VPS13B: variants seen among roughly 807,000 people sequenced by gnomAD.
VPS13B encodes vacuolar protein sorting 13 homolog B.
Under a neutral mutation model 426.4 loss-of-function variants are expected in VPS13B, and 285 were observed. The ratio of observed to expected loss-of-function variants is 0.67; its 90% CI spans 0.61 to 0.74. The LOEUF is 0.74. Among genes scored for constraint, VPS13B ranks in the 30% least tolerant of loss-of-function variants. The pLI, the probability that VPS13B is intolerant of heterozygous loss-of-function variation, is 0.00. For missense variants in VPS13B, 4,537 were observed against 4,782.6 expected (o/e 0.95, Z 1.51); for synonymous variants, 1,676 against 1,676.4 (o/e 1.00, Z 0.01).
At chr8:99,134,280 T>C (rs1000785556) in intron 8 of VPS13B, among the ~76,000 whole-genome samples, 2 of 152,220 alleles carry the variant, frequency 1.3e-5, no homozygotes, top group African/African-American at 4.8e-5. Flanking sequence ...TTGAATGTTT[T>C]GTTGAATATA....
rs570012750 is a variant in VPS13B, at chr8:99,813,272, T to C, written c.8097+3742T>C. 2.0e-5 allele frequency among the ~76,000 whole-genome samples: 3 copies of C among 152,260 alleles called. No individual in the cohort carries two copies. The East Asian group carries it at 5.8e-4, about 29-fold the overall frequency. ...GGCTTTTTAGTTGAAAATGAGACTA[T>C]AAAAACCCACCAAGAGGATCTTTGT... On this transcript the variant is annotated intron_variant, in intron 44 of 61. Transcript: ENST00000357162.
rs1361644234 is a variant in VPS13B, at chr8:99,751,793, A to C, written c.7051-14981A>C. On this transcript the variant is annotated intron_variant, in intron 39 of 61. Transcript: ENST00000357162. ...AGTCTCATGGATAGAAAACATGAGA[A>C]TGCTGGATCAGAGATGAAACATAGT... 3.3e-5 allele frequency among the ~76,000 whole-genome samples: 5 copies of C among 152,312 alleles called. No homozygotes were observed. In the South Asian group the frequency reaches 1.0e-3, roughly 32 times the overall value.
intron 22 of VPS13B, 73 bp from the exon 23 acceptor site, chr8:99,442,328 T>C: frequency 7.7e-7 from 1 of 1,305,052 alleles, no homozygotes. Context: ...TTGTTTATTC[T>C]GGCGAAGATG....
chr8:99,179,684 A>G (rs957788836), intron 16 of VPS13B, among the ~76,000 whole-genome samples: 1 of 152,196 alleles, frequency 6.6e-6, no homozygotes, highest in Non-Finnish European at 1.5e-5. Flanking sequence ...TGATTATTTA[A>G]TAGCCTTTCC....
intron 17 of VPS13B, among the ~76,000 whole-genome samples, chr8:99,232,833 C>T (rs72672332): frequency 0.031 from 4,782 of 152,196 alleles, 113 homozygotes; most frequent in South Asian, 0.076. Flanking sequence ...GAGGCAGGGC[C>T]CGGAGGTTCT....
chr8:99,555,263 C>A (rs1202420345), intron 30 of VPS13B, among the ~76,000 whole-genome samples: 1 of 152,122 alleles, frequency 6.6e-6, no homozygotes, highest in African/African-American at 2.4e-5. Context: ...TATCATTTAA[C>A]CAGCCTCTGG....
intron 43 of VPS13B, among the ~76,000 whole-genome samples, chr8:99,785,312 A>G (rs1173993521): frequency 3.9e-5 from 6 of 152,174 alleles, no homozygotes; most frequent in African/African-American, 1.4e-4. Context: ...AGATTAGAGA[A>G]CAAGTTTTCC....
intron 19 of VPS13B, among the ~76,000 whole-genome samples, chr8:99,303,808 G>C (rs1417486663): frequency 6.8e-6 from 1 of 146,274 alleles, no homozygotes; most frequent in Admixed American, 6.8e-5. Context: ...ATTGTGTATT[G>C]ATTGTGGCTC....
At chr8:99,801,008 T>C (rs1443378224) in intron 43 of VPS13B, among the ~76,000 whole-genome samples, 3 of 152,128 alleles carry the variant, frequency 2.0e-5, no homozygotes, top group East Asian at 1.9e-4. Context: ...ATGAAGAATA[T>C]AGATATAACA....
At chr8:99,716,501 T>A (rs1832927828) in intron 36 of VPS13B, among the ~76,000 whole-genome samples, 1 of 126,092 alleles carries the variant, frequency 7.9e-6, no homozygotes, top group Admixed American at 7.8e-5. Context: ...ATGAAAAGGT[T>A]TTGATCTACA....
chr8:99,762,917 T>A lies in VPS13B; in HGVS notation c.7051-3857T>A, dbSNP rs563749103. Among the ~76,000 whole-genome samples the A allele has an allele frequency of 5.3e-5, 8 of 151,870 alleles. No individual in the cohort carries two copies. In the South Asian group the frequency reaches 1.7e-3, roughly 32 times the overall value. ...CTTTGAGAGGCCAAGGTAGGAGGAT[T>A]GCTTGAGCCCAGGAGTTCGAAACTA... On this transcript the variant is annotated intron_variant, in intron 39 of 61. Transcript: ENST00000357162.
chr8:99,401,553 T>C (rs894761665), intron 21 of VPS13B, among the ~76,000 whole-genome samples: 1 of 152,184 alleles, frequency 6.6e-6, no homozygotes, highest in Non-Finnish European at 1.5e-5. Flanking sequence ...ACTCCAATGA[T>C]AGTCTACTGT....
chr8:99,825,209 C>T (rs564009394), intron 51 of VPS13B, among the ~76,000 whole-genome samples: 2 of 152,302 alleles, frequency 1.3e-5, no homozygotes, highest in Non-Finnish European at 2.9e-5. Flanking sequence ...AAAAGTGTTC[C>T]TATTTCTCCA....
At position 99,870,881 on chromosome 8, in the gene VPS13B, A is replaced by G. The variant is rs1354835040; in HGVS notation, c.11489A>G (p.Tyr3830Cys). The G allele has an allele frequency of 3.7e-6, 6 of 1,613,972 alleles. No homozygotes were observed. The highest frequency in any genetic ancestry group is 5.1e-6 in the Non-Finnish European group (6 of 1,179,930). ...ADQAPNSHVK[Y>C]VWKMLQSLGR... ...CAGGCTCCAAACAGCCATGTCAAAT[A>G]TGTCTGGTAAAATTATTGAGATACG... Residue 3830 changes from tyrosine (Y) to cysteine (C), a missense_variant, in exon 60 of 62, where the codon TAT becomes TGT. Physicochemically the swap from Tyr to Cys is radical, Grantham distance 194. Transcript: ENST00000357162.
rs1811379551 is a variant in VPS13B at position 99,156,638 on chromosome 8, A to G, written c.2103A>G (p.Glu701=). 3.7e-6 allele frequency: 6 copies of G among 1,614,104 alleles called. No homozygotes were observed. Among genetic ancestry groups the G allele is most frequent in the Non-Finnish European group, 5.1e-6 (6 of 1,179,938 alleles). The change falls in exon 15 of 62, where the codon GAA becomes GAG. Residue 701 remains glutamate (E), a synonymous_variant. Coordinates refer to ENST00000357162, the MANE Select transcript of VPS13B (RefSeq NM_152564.5). ...TATTGGTGGATAAAATTAATCTGGAACATTCAGTGCCAATGTATGCTGAAC... is the reference window on the plus strand; with the variant it reads ...TATTGGTGGATAAAATTAATCTGGAGCATTCAGTGCCAATGTATGCTGAAC... ...IRILVDKINL[E]HSVPMYAEQL...
chr8:99,488,889 T>A (rs1281275761), intron 25 of VPS13B, among the ~76,000 whole-genome samples: 1 of 152,218 alleles, frequency 6.6e-6, no homozygotes, highest in Non-Finnish European at 1.5e-5. Context: ...TTAGTTTAAT[T>A]AGATCTCATT....
intron 44 of VPS13B, among the ~76,000 whole-genome samples, chr8:99,813,652 A>G (rs1426267726): frequency 2.0e-5 from 3 of 152,232 alleles, no homozygotes; most frequent in Non-Finnish European, 1.5e-5. Flanking sequence ...TGGCTAGAGT[A>G]TCTAGGGGAA....
intron 20 of VPS13B, among the ~76,000 whole-genome samples, chr8:99,386,801 T>C (rs898989163): frequency 3.9e-5 from 6 of 152,058 alleles, no homozygotes; most frequent in African/African-American, 1.2e-4. Flanking sequence ...CGAGACTCTG[T>C]CTTTACAGAA....
chr8:99,729,395 G>A (rs755329920), intron 39 of VPS13B, among the ~76,000 whole-genome samples: 1 of 152,144 alleles, frequency 6.6e-6, no homozygotes, highest in Non-Finnish European at 1.5e-5. Flanking sequence ...CTGGAGAAAA[G>A]CCTTACACCA....
Sources: gnomAD v4.1 joint callset for allele counts (sites outside exome capture counted in the v4.1 genomes callset) on GRCh38, gnomAD v4.1.1 for gene constraint, MANE v1.5 for transcripts, NCBI Gene and HGNC (gene_info 2026-07-23, HGNC 2026-07-21) for gene names.